Variants in NFATC2 observed in about 807,000 individuals in gnomAD.
NFATC2 encodes the protein nuclear factor of activated T cells 2.
NFATC2 carries 22 observed loss-of-function variants against 87.3 expected under a neutral mutation model. That is an observed-to-expected ratio of 0.25 (90% CI 0.18 to 0.36). NFATC2 has a LOEUF of 0.36. NFATC2 is among the 10% of genes least tolerant of loss of function. NFATC2 has a pLI of 1.00. For synonymous variants in NFATC2, 565 were observed against 542.2 expected, an observed-to-expected ratio of 1.04 and a Z score of -0.58; for missense variants, 1,149 against 1,259.1, an observed-to-expected ratio of 0.91 and a Z score of 1.32.
rs943342575 is a variant in NFATC2, at chr20:51,480,337, G to A, written c.1333-4677C>T. 6.6e-6 allele frequency among the ~76,000 whole-genome samples: 1 copy of A among 152,158 alleles called. No homozygotes were observed. The highest frequency in any genetic ancestry group is 2.4e-5 in the African/African-American group (1 of 41,422). On this transcript the variant is annotated intron_variant, in intron 3 of 10. Coordinates refer to ENST00000371564, the MANE Select transcript of NFATC2 (RefSeq NM_012340.5). The surrounding 1 kb of genome is among the most constrained non-coding windows in gnomAD (Gnocchi z 4.2). ...CCGCACAGGAGAGAGAGTGGGGCAG[G>A]AAGGAGGGAGAAAAGAAGGGGCACA...
At chr20:51,498,768 C>T (rs768120238) in intron 3 of NFATC2, among the ~76,000 whole-genome samples, 27 of 152,310 alleles carry the variant, frequency 1.8e-4, no homozygotes, top group Middle Eastern at 6.8e-3. Context: ...GCCTAGGCAA[C>T]AGAGTGAGAC....
At chr20:51,441,139 G>A (rs913126534) in intron 6 of NFATC2, among the ~76,000 whole-genome samples, 7 of 151,870 alleles carry the variant, frequency 4.6e-5, no homozygotes, top group South Asian at 4.2e-4. Context: ...AAAAATTAGC[G>A]AGGCATGGTG....
intron 5 of NFATC2, among the ~76,000 whole-genome samples, chr20:51,460,868 G>A (rs1031529613): frequency 1.3e-4 from 20 of 152,106 alleles, no homozygotes; most frequent in African/African-American, 4.8e-4. Context: ...GTCAGAAGGT[G>A]CTAGATAAAA....
At chr20:51,465,443 T>C (rs1020996343) in intron 5 of NFATC2, among the ~76,000 whole-genome samples, 1 of 152,044 alleles carries the variant, frequency 6.6e-6, no homozygotes, top group African/African-American at 2.4e-5. Context: ...TGGCTTCCCA[T>C]CCTAATTAGA....
chr20:51,486,500 C>T (rs1054472794), intron 3 of NFATC2, among the ~76,000 whole-genome samples: 3 of 152,168 alleles, frequency 2.0e-5, no homozygotes, highest in Admixed American at 6.5e-5. Flanking sequence ...AGAAAGAGAG[C>T]TCCTCTAGCA....
intron 6 of NFATC2, among the ~76,000 whole-genome samples, chr20:51,441,717 C>CAA (rs11474273): frequency 0.64 from 76,923 of 119,912 alleles, 26,395 homozygotes; most frequent in Non-Finnish European, 0.76. Flanking sequence ...AACTCCATCT[C>CAA]AAAAAAAAAA....
At chr20:51,536,415 C>A (rs2076721077) in intron 1 of NFATC2, among the ~76,000 whole-genome samples, 1 of 152,150 alleles carries the variant, frequency 6.6e-6, no homozygotes, top group East Asian at 1.9e-4. Flanking sequence ...GTTACCTTAC[C>A]CCCAAGAACC....
intron 3 of NFATC2, among the ~76,000 whole-genome samples, chr20:51,477,207 C>T (rs6021232): frequency 0.36 from 54,745 of 151,730 alleles, 10,193 homozygotes; most frequent in African/African-American, 0.43. Flanking sequence ...AAGGTAGAAG[C>T]CTATGAACCG....
At chr20:51,455,082 C>A (rs1986262014) in intron 5 of NFATC2, among the ~76,000 whole-genome samples, 1 of 152,152 alleles carries the variant, frequency 6.6e-6, no homozygotes, top group Non-Finnish European at 1.5e-5. Context: ...TAAAGCATAT[C>A]CTTTCTTTGT....
rs6096459 is a variant in NFATC2, at chr20:51,523,464, G to A, written c.777C>T (p.Ala259=). ...AGGCTCCGGGCGGCAGGGCAACCAA[G>A]GCCTCGGCGCACGAATGCCTCCGCT... ...GAKRRHSCAE[A]LVALPPGASP... Residue 259 remains alanine, a synonymous_variant, in exon 2 of 11, where the codon GCC becomes GCT. Coordinates refer to ENST00000371564, the MANE Select transcript of NFATC2 (RefSeq NM_012340.5). The surrounding 1 kb of genome is among the most constrained non-coding windows in gnomAD (Gnocchi z 6.9). 1 of 1,610,476 alleles carries A rather than the reference G, an allele frequency of 6.2e-7. No homozygotes were observed. The highest frequency in any genetic ancestry group is 8.5e-7 in the Non-Finnish European group (1 of 1,178,270).
intron 10 of NFATC2, among the ~76,000 whole-genome samples, chr20:51,392,838 T>A (rs1986523310): frequency 6.6e-6 from 1 of 152,234 alleles, no homozygotes; most frequent in Non-Finnish European, 1.5e-5. Context: ...GGAAAACCCC[T>A]GCCCAGATGG....
intron 10 of NFATC2, among the ~76,000 whole-genome samples, chr20:51,397,973 C>T (rs188694428): frequency 1.2e-4 from 18 of 152,284 alleles, no homozygotes; most frequent in East Asian, 1.9e-4. Context: ...GAAACCTGCA[C>T]GATAAGGTCT....
chr20:51,443,234 T>C (rs950120373), intron 6 of NFATC2, among the ~76,000 whole-genome samples: 2 of 152,212 alleles, frequency 1.3e-5, no homozygotes, highest in African/African-American at 2.4e-5. Flanking sequence ...GAAATCATTT[T>C]AGCTACCTAT....
intron 9 of NFATC2, among the ~76,000 whole-genome samples, chr20:51,403,229 G>A (rs139001529): frequency 2.3e-4 from 35 of 152,344 alleles, no homozygotes; most frequent in Non-Finnish European, 4.4e-4. Context: ...AGATTCACAG[G>A]CAAGAGAAGC....
At chr20:51,405,922 G>A (rs961429168) in intron 9 of NFATC2, among the ~76,000 whole-genome samples, 1 of 152,142 alleles carries the variant, frequency 6.6e-6, no homozygotes, top group African/African-American at 2.4e-5. Context: ...GATTACAGGT[G>A]TCCGCCACCA....
chr20:51,396,962 G>T (rs1253319014), intron 10 of NFATC2, among the ~76,000 whole-genome samples: 1 of 152,052 alleles, frequency 6.6e-6, no homozygotes, highest in Non-Finnish European at 1.5e-5. Flanking sequence ...ACACAGGCTG[G>T]AGTGCAGTGG....
chr20:51,556,516 T>C (rs1449618850), intron 1 of NFATC2, among the ~76,000 whole-genome samples: 1 of 152,082 alleles, frequency 6.6e-6, no homozygotes, highest in South Asian at 2.1e-4. Context: ...CACCGCTGAA[T>C]CCCCAGCATC....
intron 9 of NFATC2, among the ~76,000 whole-genome samples, chr20:51,412,444 C>A (rs1048533994): frequency 1.3e-5 from 2 of 152,186 alleles, no homozygotes; most frequent in African/African-American, 4.8e-5. Context: ...TCCACACGGG[C>A]CAGGGGGTGG....
rs541251947 is a variant in NFATC2, at chr20:51,523,510, C to T, written c.731G>A (p.Arg244His). 1.1e-5 allele frequency: 17 copies of T among 1,612,992 alleles called. No individual in the cohort carries two copies. The highest frequency in any genetic ancestry group is 6.7e-5 in the East Asian group (3 of 44,844). ...RHSPVPRPAS[R>H]SSSPGAKRRH... ...CCGCTTGGCACCAGGCGATGAGGAG[C>T]GGGAGGCCGGACGGGGCACGGGCGA... Residue 244 changes from arginine to histidine, a missense_variant, in exon 2 of 11, where the codon CGC becomes CAC. Coordinates refer to ENST00000371564, the MANE Select transcript of NFATC2 (RefSeq NM_012340.5). This position sits in a 1 kb window ranked among gnomAD's most constrained non-coding sequence, Gnocchi z 6.9.
Sources: allele counts gnomAD v4.1 joint callset (sites outside exome capture counted in the v4.1 genomes callset), GRCh38; gene constraint gnomAD v4.1.1; non-coding constraint Gnocchi (gnomAD v3.1); transcripts MANE v1.5; gene names NCBI Gene and HGNC (gene_info 2026-07-23, HGNC 2026-07-21).